The following CREB5 variants were observed in gnomAD, a reference collection of about 807,000 sequenced individuals.
CREB5 encodes cyclic AMP-responsive element-binding protein 5.
CREB5 carries 19 observed loss-of-function variants against 57.1 expected under a neutral mutation model. The ratio of observed to expected loss-of-function variants is 0.33; its 90% CI spans 0.23 to 0.49. The LOEUF (loss-of-function observed/expected upper bound fraction) is 0.49, where lower values mean the gene tolerates loss of function less well. Among genes scored for constraint, CREB5 ranks in the 20% least tolerant of loss-of-function variants. The pLI is 0.99. For missense variants in CREB5, 579 were observed against 671.6 expected (o/e 0.86, Z 1.52); for synonymous variants, 238 against 238.3 (o/e 1.00, Z 0.01).
At chr7:28,592,000 G>C (rs1489519661) in intron 5 of CREB5, among the ~76,000 whole-genome samples, 1 of 152,110 alleles carries the variant, frequency 6.6e-6, no homozygotes, top group Non-Finnish European at 1.5e-5. Context: ...CATGGTCATT[G>C]GTTCTGAAAT....
intron 1 of CREB5, among the ~76,000 whole-genome samples, chr7:28,438,924 A>T (rs190010851): frequency 6.6e-6 from 1 of 152,224 alleles, no homozygotes; most frequent in East Asian, 1.9e-4. Flanking sequence ...AGGAGCAAAC[A>T]GAGATACTTC....
At chr7:28,481,258 A>G (rs1791319687) in intron 1 of CREB5, among the ~76,000 whole-genome samples, 1 of 152,250 alleles carries the variant, frequency 6.6e-6, no homozygotes, top group Non-Finnish European at 1.5e-5. Context: ...ATAAAGTGTG[A>G]CGCAATCCCA....
chr7:28,568,556 A>G (rs760048701), intron 4 of CREB5, among the ~76,000 whole-genome samples: 1 of 152,212 alleles, frequency 6.6e-6, no homozygotes, highest in Non-Finnish European at 1.5e-5. Context: ...CACTGCCACC[A>G]ATGCACATTG....
chr7:28,525,074 C>A (rs2128618455), intron 4 of CREB5, among the ~76,000 whole-genome samples: 1 of 151,560 alleles, frequency 6.6e-6, no homozygotes, highest in South Asian at 2.1e-4. Flanking sequence ...AGTGAGAACA[C>A]ATGATATTTA....
chr7:28,756,305 C>A (rs1805293596), intron 7 of CREB5, among the ~76,000 whole-genome samples: 1 of 152,078 alleles, frequency 6.6e-6, no homozygotes, highest in African/African-American at 2.4e-5. Context: ...GTAATCCCAG[C>A]ACTTTGGGAG....
chr7:28,766,016 G>A (rs765199540), intron 7 of CREB5, among the ~76,000 whole-genome samples: 1 of 151,910 alleles, frequency 6.6e-6, no homozygotes, highest in African/African-American at 2.4e-5. Flanking sequence ...AATACCTTAG[G>A]CAAGTTACTT....
At chr7:28,600,851 C>T (rs1278759133) in intron 5 of CREB5, among the ~76,000 whole-genome samples, 1 of 152,152 alleles carries the variant, frequency 6.6e-6, no homozygotes, top group East Asian at 1.9e-4. Context: ...GGGACTCAGT[C>T]ACTATTCAGG....
At chr7:28,395,689 T>C (rs1424038786) in intron 1 of CREB5, among the ~76,000 whole-genome samples, 1 of 152,176 alleles carries the variant, frequency 6.6e-6, no homozygotes, top group Non-Finnish European at 1.5e-5. Context: ...TTAATAAAGA[T>C]ATAAAACCTT....
intron 5 of CREB5, among the ~76,000 whole-genome samples, chr7:28,595,282 G>A (rs1796656308): frequency 1.3e-5 from 2 of 151,886 alleles, no homozygotes; most frequent in Admixed American, 6.6e-5. Flanking sequence ...ATAAGTATGC[G>A]TGTAAATATT....
chr7:28,521,262 C>T (rs546124025), intron 4 of CREB5, among the ~76,000 whole-genome samples: 6 of 152,108 alleles, frequency 3.9e-5, no homozygotes, highest in East Asian at 1.9e-4. Context: ...TTCGGAAGGC[C>T]GTGGATTGGT....
intron 1 of CREB5, among the ~76,000 whole-genome samples, chr7:28,401,330 G>A (rs1380657424): frequency 6.6e-6 from 1 of 151,778 alleles, no homozygotes; most frequent in East Asian, 1.9e-4. Context: ...AGCAGCCAAT[G>A]GTCTTCCAGA....
rs188735853 is a variant in CREB5, at chr7:28,689,266, A to T, written c.465-29487A>T. ...CCGAGGTGGGTGGGTCAGGAGATCGAGACCATCCTGGCTAAAATGGTGAAA... is the reference window on the plus strand; with the variant it reads ...CCGAGGTGGGTGGGTCAGGAGATCGTGACCATCCTGGCTAAAATGGTGAAA... On this transcript the variant is annotated intron_variant, in intron 5 of 10. Coordinates refer to ENST00000357727, the MANE Select transcript of CREB5 (RefSeq NM_182898.4). Among the ~76,000 whole-genome samples the T allele has an allele frequency of 2.0e-5, 3 of 152,234 alleles. No individual in the cohort carries two copies. In the East Asian group the frequency reaches 5.8e-4, roughly 29 times the overall value.
At chr7:28,728,497 C>T (rs1803451247) in intron 7 of CREB5, among the ~76,000 whole-genome samples, 1 of 152,172 alleles carries the variant, frequency 6.6e-6, no homozygotes, top group South Asian at 2.1e-4. Context: ...TAGTTTATAC[C>T]TCCAAATAAC....
chr7:28,737,993 T>C (rs1027313606), intron 7 of CREB5, among the ~76,000 whole-genome samples: 4 of 152,192 alleles, frequency 2.6e-5, no homozygotes, highest in African/African-American at 7.2e-5. Context: ...ATGTTATTGT[T>C]TTATGGTTTG....
chr7:28,441,183 GC>G (rs1789171026), intron 1 of CREB5, among the ~76,000 whole-genome samples: 1 of 152,076 alleles, frequency 6.6e-6, no homozygotes, highest in Non-Finnish European at 1.5e-5. Flanking sequence ...AAAATAGAAA[GC>G]CATCTACTCT....
chr7:28,554,172 T>C (rs1294942873), intron 4 of CREB5, among the ~76,000 whole-genome samples: 1 of 152,214 alleles, frequency 6.6e-6, no homozygotes, highest in East Asian at 1.9e-4. Context: ...CACAAAAAAA[T>C]CACTGAATTA....
intron 5 of CREB5, among the ~76,000 whole-genome samples, chr7:28,652,940 G>A (rs1799201075): frequency 6.6e-6 from 1 of 152,180 alleles, no homozygotes; most frequent in Non-Finnish European, 1.5e-5. Flanking sequence ...GATAGTCCAA[G>A]TTCATTCTTC....
chr7:28,450,785 C>T (rs1789757882), intron 1 of CREB5, among the ~76,000 whole-genome samples: 1 of 152,216 alleles, frequency 6.6e-6, no homozygotes, highest in South Asian at 2.1e-4. Context: ...ATATTCTCTG[C>T]AATTCATGTC....
At chr7:28,356,793 G>A (rs1786354359) in intron 1 of CREB5, among the ~76,000 whole-genome samples, 2 of 152,158 alleles carry the variant, frequency 1.3e-5, no homozygotes, top group South Asian at 4.1e-4. Context: ...CACACACACT[G>A]TTTCTTAATT....
Sources: allele counts gnomAD v4.1 joint callset (sites outside exome capture counted in the v4.1 genomes callset), GRCh38; gene constraint gnomAD v4.1.1; transcripts MANE v1.5; gene names NCBI Gene and HGNC (gene_info 2026-07-23, HGNC 2026-07-21).